KATNAL1: variants seen among roughly 807,000 people sequenced by gnomAD.
The protein encoded by KATNAL1 is katanin catalytic subunit A1 like 1, also known as katanin p60 ATPase-containing subunit A-like 1.
A neutral mutation model predicts 55.2 loss-of-function variants in KATNAL1; 32 were observed. The ratio of observed to expected loss-of-function variants is 0.58; its 90% CI spans 0.44 to 0.78. KATNAL1 has a LOEUF of 0.78. Ranked by LOEUF, KATNAL1 falls within the 30% of genes least tolerant of loss-of-function variation. KATNAL1 has a pLI of 0.00. For synonymous variants in KATNAL1, 193 were observed against 193.6 expected, an observed-to-expected ratio of 1.00 and a Z score of 0.02; for missense variants, 466 against 600.9, an observed-to-expected ratio of 0.78 and a Z score of 2.35.
rs1460473505 is a variant in KATNAL1, at chr13:30,255,614, C to T, written c.325G>A (p.Ala109Thr). 1 of 1,323,106 alleles carries T rather than the reference C, an allele frequency of 7.6e-7. No homozygotes were observed. The highest frequency in any genetic ancestry group is 2.1e-5 in the South Asian group (1 of 48,466). The allele number at this position is 1,323,106 out of a possible 1,614,324, so 82.0% of individuals were successfully genotyped here. Residue 109 changes from alanine to threonine, a missense_variant and splice_region_variant, in exon 4 of 11, where the codon GCT (alanine) becomes ACT (threonine). By Grantham distance (58) the Ala-to-Thr change is moderately conservative (BLOSUM62 0). Around this residue, in one of 3 missense-constraint regions of KATNAL1, gnomAD observed 248 missense variants for 275.5 expected, o/e 0.90. Coordinates refer to ENST00000380615, the MANE Select transcript of KATNAL1 (RefSeq NM_032116.5). ...WPPPVPAEHR[A>T]PPQIRRPNRE... Reference sequence around the variant, plus strand: ...TTGGGACGCCTGATCTGAGGTGGAGCTCTGACAAAAAAAAAAAAAAAAAAA... The same window carrying T: ...TTGGGACGCCTGATCTGAGGTGGAGTTCTGACAAAAAAAAAAAAAAAAAAA...
rs182146857 is a variant in KATNAL1 at position 30,260,060 on chromosome 13, T to A, written c.324-4445A>T. ...CAGACTGCCTCCTCAAGTGGGTCCCTGACCCCGACCCCCCAGCAGCCTAAC... is the reference window on the plus strand; with the variant it reads ...CAGACTGCCTCCTCAAGTGGGTCCCAGACCCCGACCCCCCAGCAGCCTAAC... On this transcript the variant is annotated intron_variant, in intron 3 of 10. Coordinates refer to ENST00000380615, the MANE Select transcript of KATNAL1 (RefSeq NM_032116.5). Among the ~76,000 whole-genome samples, 220 of 152,358 alleles carry A rather than the reference T, an allele frequency of 1.4e-3. 2 individuals are homozygous for A. The highest frequency in any genetic ancestry group is 5.2e-3 in the African/African-American group (215 of 41,580).
intron 1 of KATNAL1, among the ~76,000 whole-genome samples, chr13:30,294,691 C>A (rs1185330200): frequency 6.6e-6 from 1 of 152,214 alleles, no homozygotes; most frequent in African/African-American, 2.4e-5. Context: ...AAATAGCCTT[C>A]TATTGGAAAA....
chr13:30,255,240 G>A (rs1878672647), intron 4 of KATNAL1, among the ~76,000 whole-genome samples: 1 of 152,120 alleles, frequency 6.6e-6, no homozygotes, highest in Non-Finnish European at 1.5e-5. Context: ...ATACATGTAT[G>A]TGTATATAGA....
intron 3 of KATNAL1, among the ~76,000 whole-genome samples, chr13:30,257,507 T>G (rs369756733): frequency 6.6e-6 from 1 of 152,224 alleles, no homozygotes; most frequent in Non-Finnish European, 1.5e-5. Flanking sequence ...GGGCTTGCTG[T>G]GACCTCACTG....
intron 1 of KATNAL1, among the ~76,000 whole-genome samples, chr13:30,291,248 A>C (rs941167458): frequency 2.0e-5 from 3 of 152,264 alleles, no homozygotes; most frequent in Admixed American, 1.3e-4. Context: ...AGGTTGCAGC[A>C]TAAGAGGTCA....
At position 30,255,501 on chromosome 13, in the gene KATNAL1, T is replaced by C; in HGVS notation, c.438A>G (p.Glu146=). 6.3e-7 allele frequency: 1 copy of C among 1,598,272 alleles called. No homozygotes were observed. The highest frequency in any genetic ancestry group is 8.5e-7 in the Non-Finnish European group (1 of 1,171,938). ...VGRAHPISKS[E]KPSTSRDKDY... is the part of the protein sequence containing the mutation. ...CCTTGTCCCTACTTGTAGAAGGCTT[T>C]TCACTCTTTGATATAGGATGTGCTC... is the stretch of plus-strand genomic sequence containing the variant. The change falls in exon 4 of 11, where the codon GAA becomes GAG. Residue 146 remains glutamate, a synonymous_variant. Transcript: ENST00000380615.
chr13:30,230,469 A>G lies in KATNAL1; in HGVS notation c.1011T>C (p.Asp337=), dbSNP rs144416963. The G allele has an allele frequency of 6.2e-7, 1 of 1,605,846 alleles. No individual in the cohort carries two copies. Among genetic ancestry groups the G allele is most frequent in the Non-Finnish European group, 8.5e-7 (1 of 1,177,570 alleles). Residue 337 remains aspartate (D), a splice_region_variant and synonymous_variant, in exon 8 of 11, where the codon GAT becomes GAC. Transcript: ENST00000380615. Reference sequence around the variant, plus strand: ...AAACAATAATTAAATATCAATTACCATCCATCTGAATGAGCAGTTCAGACT... The same window carrying G: ...AAACAATAATTAAATATCAATTACCGTCCATCTGAATGAGCAGTTCAGACT... ...RVKSELLIQM[D]GVGGALENDD...
In KATNAL1 at chr13:30,211,064, C is replaced by G. The variant is rs1161851816; in HGVS notation, c.1148-622G>C. 3.3e-5 allele frequency among the ~76,000 whole-genome samples: 5 copies of G among 152,322 alleles called. No individual in the cohort carries two copies. In the East Asian group the frequency reaches 9.6e-4, roughly 29 times the overall value. On this transcript the variant is annotated intron_variant, in intron 9 of 10. Transcript: ENST00000380615. ...CTAGAGAATTTTTAAAATAACCAAT[C>G]ATGCTTGCCATTTCACTAGTGCTTT... is the stretch of plus-strand genomic sequence containing the variant.
At chr13:30,287,044 T>C (rs544310031) in intron 1 of KATNAL1, among the ~76,000 whole-genome samples, 16 of 152,282 alleles carry the variant, frequency 1.1e-4, no homozygotes, top group African/African-American at 3.6e-4. Context: ...AGTAACTAAC[T>C]TGCTTTTGAA....
chr13:30,248,718 A>T (rs184645059), intron 4 of KATNAL1, among the ~76,000 whole-genome samples: 1 of 152,204 alleles, frequency 6.6e-6, no homozygotes, highest in Non-Finnish European at 1.5e-5. Flanking sequence ...TGAGGTCAGG[A>T]GTTCGAGACC....
At position 30,204,186 on chromosome 13, in the gene KATNAL1, A is replaced by C. The variant is rs1315530827; in HGVS notation, c.*4354T>G. On this transcript the variant is annotated 3_prime_UTR_variant, in exon 11 of 11. Coordinates refer to ENST00000380615, the MANE Select transcript of KATNAL1 (RefSeq NM_032116.5). ...AAAAGATACAAAAAAGAGAATAGTT[A>C]GGATTTTTTCCTCATACAAGTTAAG... 1 of 152,238 alleles carries C rather than the reference A, an allele frequency of 6.6e-6. No individual in the cohort carries two copies. The highest frequency in any genetic ancestry group is 1.5e-5 in the Non-Finnish European group (1 of 68,040). 9.4% of individuals were successfully genotyped at this position (152,238 alleles called of 1,614,324 possible).
At chr13:30,283,927 G>C in intron 1 of KATNAL1, 136 bp from the exon 2 acceptor site, 1 of 614,582 alleles carries the variant, frequency 1.6e-6, no homozygotes, top group Non-Finnish European at 2.7e-6. Flanking sequence ...CCAGATTGGA[G>C]TGCAGCAGCA....
At chr13:30,257,868 C>A (rs560093763) in intron 3 of KATNAL1, among the ~76,000 whole-genome samples, 1 of 152,318 alleles carries the variant, frequency 6.6e-6, no homozygotes, top group South Asian at 2.1e-4. Context: ...TTCCATCTCA[C>A]TGCAATTGGA....
chr13:30,219,896 T>C (rs1384688617), intron 9 of KATNAL1, among the ~76,000 whole-genome samples: 8 of 152,204 alleles, frequency 5.3e-5, no homozygotes, highest in Admixed American at 2.6e-4. Flanking sequence ...TTTATACCAA[T>C]ATAAAGTATG....
chr13:30,241,382 G>A (rs1275304936), intron 4 of KATNAL1, among the ~76,000 whole-genome samples: 1 of 152,106 alleles, frequency 6.6e-6, no homozygotes, highest in African/African-American at 2.4e-5. Flanking sequence ...CCTTTGAACT[G>A]GTAGACGCAG....
At chr13:30,230,685 A>C (rs1876014118) in intron 7 of KATNAL1, 91 bp from the exon 8 acceptor site, 2 of 918,016 alleles carry the variant, frequency 2.2e-6, no homozygotes, top group Non-Finnish European at 3.2e-6. Flanking sequence ...GGCAAAAGAG[A>C]GCAGAAACTT....
At chr13:30,247,296 A>G (rs552094839) in intron 4 of KATNAL1, among the ~76,000 whole-genome samples, 3 of 152,250 alleles carry the variant, frequency 2.0e-5, no homozygotes, top group Non-Finnish European at 4.4e-5. Context: ...TTACAAAGTA[A>G]AATAAGTTAA....
chr13:30,274,890 TACGCGCGCGC>T (rs1277588146), intron 3 of KATNAL1, among the ~76,000 whole-genome samples: 1 of 76,996 alleles, frequency 1.3e-5, no homozygotes, highest in East Asian at 3.4e-4. Context: ...TGCACACACA[TACGCGCGCGC>T]GCGCGCGCAC....
chr13:30,279,336 C>A (rs1332413343), intron 3 of KATNAL1, among the ~76,000 whole-genome samples: 1 of 152,098 alleles, frequency 6.6e-6, no homozygotes, highest in Non-Finnish European at 1.5e-5. Context: ...TCTTTTGAAG[C>A]AACAAATAAA....
Sources: allele counts gnomAD v4.1 joint callset (sites outside exome capture counted in the v4.1 genomes callset), GRCh38; gene constraint gnomAD v4.1.1; regional missense constraint gnomAD v4.1.1; transcripts MANE v1.5; gene names NCBI Gene and HGNC (gene_info 2026-07-23, HGNC 2026-07-21).